SUGCT: variants seen among roughly 807,000 people sequenced by gnomAD.
The protein encoded by SUGCT is succinyl-CoA:glutarate-CoA transferase, also known as succinyl-CoA:glutarate CoA-transferase.
In SUGCT, 41 loss-of-function variants were observed where a neutral mutation model predicts 55.0. The ratio of observed to expected loss-of-function variants is 0.74; its 90% confidence interval spans 0.58 to 0.97. SUGCT has a LOEUF of 0.97. Among genes scored for constraint, SUGCT ranks in the 50% least tolerant of loss-of-function variants. SUGCT has a pLI of 0.00. For synonymous variants in SUGCT, 187 were observed against 200.4 expected, an observed-to-expected ratio of 0.93 and a Z score of 0.56; for missense variants, 568 against 547.8, an observed-to-expected ratio of 1.04 and a Z score of -0.37.
chr7:40,533,778 A>G (rs902587001), intron 12 of SUGCT, among the ~76,000 whole-genome samples: 1 of 152,158 alleles, frequency 6.6e-6, no homozygotes, highest in Non-Finnish European at 1.5e-5. Context: ...TGAACATTTC[A>G]GTCACACCTA....
At chr7:40,268,588 T>C (rs1181741599) in intron 7 of SUGCT, among the ~76,000 whole-genome samples, 1 of 152,208 alleles carries the variant, frequency 6.6e-6, no homozygotes, top group African/African-American at 2.4e-5. Context: ...TTATGAATAA[T>C]GCTGCTATAA....
At chr7:40,157,555 T>C (rs74814386) in intron 1 of SUGCT, among the ~76,000 whole-genome samples, 5,705 of 152,322 alleles carry the variant, frequency 0.037, 343 homozygotes, top group African/African-American at 0.13. Flanking sequence ...AACTTAAATA[T>C]TTTTAATGTA....
intron 10 of SUGCT, 27 bp downstream of exon 10, chr7:40,449,385 G>A (rs780772329): frequency 1.0e-5 from 16 of 1,565,844 alleles, no homozygotes; most frequent in Admixed American, 8.6e-5. Flanking sequence ...GGGATTGGTC[G>A]ATGATTTTGT....
At chr7:40,462,805 C>CTTTT (rs1461189364) in intron 11 of SUGCT, among the ~76,000 whole-genome samples, 1 of 152,260 alleles carries the variant, frequency 6.6e-6, no homozygotes, top group East Asian at 1.9e-4. Flanking sequence ...AGACATACTT[C>CTTTT]TTTTTGGTAG....
At chr7:40,320,948 CA>C (rs2151120681) in intron 9 of SUGCT, among the ~76,000 whole-genome samples, 1 of 152,246 alleles carries the variant, frequency 6.6e-6, no homozygotes, top group African/African-American at 2.4e-5. Flanking sequence ...TTCCACCTCC[CA>C]TGTTTTTGAG....
chr7:40,566,665 C>G (rs965686589), intron 12 of SUGCT, among the ~76,000 whole-genome samples: 1 of 152,098 alleles, frequency 6.6e-6, no homozygotes, highest in Non-Finnish European at 1.5e-5. Flanking sequence ...TAAATGCATT[C>G]TATTTGCTTA....
chr7:40,441,930 G>T (rs762524618), intron 9 of SUGCT, among the ~76,000 whole-genome samples: 1 of 151,986 alleles, frequency 6.6e-6, no homozygotes, highest in Non-Finnish European at 1.5e-5. Context: ...GTTTCTGGGT[G>T]GGGGGTCTCA....
intron 9 of SUGCT, among the ~76,000 whole-genome samples, chr7:40,388,321 A>G (rs887776587): frequency 6.6e-6 from 1 of 152,220 alleles, no homozygotes; most frequent in Non-Finnish European, 1.5e-5. Flanking sequence ...CCTTAGGATA[A>G]TGAACAGGCT....
chr7:41,024,379 C>T, the SUGCT span, among the ~76,000 whole-genome samples: 71 of 152,010 alleles, frequency 4.7e-4, no homozygotes, highest in Middle Eastern at 0.01. Context: ...CTTTGTATAA[C>T]AAAAGGCAAT....
intron 8 of SUGCT, among the ~76,000 whole-genome samples, chr7:40,279,675 T>C (rs1021041557): frequency 6.6e-6 from 1 of 152,140 alleles, no homozygotes; most frequent in African/African-American, 2.4e-5. Flanking sequence ...TGATAACGTT[T>C]CATAATAGAT....
At chr7:40,143,943 C>T (rs1166611447) in intron 1 of SUGCT, among the ~76,000 whole-genome samples, 2 of 152,120 alleles carry the variant, frequency 1.3e-5, no homozygotes, top group Admixed American at 6.6e-5. Context: ...TTTAGCTGAC[C>T]CCCAGTTGGG....
intron 12 of SUGCT, among the ~76,000 whole-genome samples, chr7:40,587,537 A>G (rs1797454720): frequency 6.6e-6 from 1 of 152,260 alleles, no homozygotes; most frequent in Admixed American, 6.5e-5. Flanking sequence ...TACCTAAAGC[A>G]GTTAAATTTG....
At chr7:40,615,946 G>A (rs1002410858) in intron 12 of SUGCT, among the ~76,000 whole-genome samples, 5 of 152,098 alleles carry the variant, frequency 3.3e-5, no homozygotes, top group Admixed American at 1.3e-4. Flanking sequence ...CATTTAATAT[G>A]TTTAATAATA....
chr7:40,724,611 C>T (rs1786520592), intron 12 of SUGCT, among the ~76,000 whole-genome samples: 1 of 151,406 alleles, frequency 6.6e-6, no homozygotes, highest in East Asian at 1.9e-4. Flanking sequence ...GTCCTGGAAC[C>T]TGAGATCTAA....
chr7:40,849,905 C>A (rs959129785), intron 13 of SUGCT, among the ~76,000 whole-genome samples: 9 of 152,082 alleles, frequency 5.9e-5, no homozygotes, highest in Non-Finnish European at 8.8e-5. Flanking sequence ...TGCAGAGCAT[C>A]CCCTGACTCA....
chr7:40,182,880 T>G (rs368921571), intron 3 of SUGCT, among the ~76,000 whole-genome samples: 89 of 152,146 alleles, frequency 5.8e-4, no homozygotes, highest in Middle Eastern at 3.4e-3. Flanking sequence ...CCACCCTCCC[T>G]CACCGTGGAA....
At chr7:41,002,903 G>C in the SUGCT span, among the ~76,000 whole-genome samples, 1 of 152,054 alleles carries the variant, frequency 6.6e-6, no homozygotes, top group African/African-American at 2.4e-5. Flanking sequence ...CTTATGGGCT[G>C]TTACTAGGAC....
intron 12 of SUGCT, among the ~76,000 whole-genome samples, chr7:40,554,405 A>G (rs1795456679): frequency 6.6e-6 from 1 of 152,208 alleles, no homozygotes; most frequent in Admixed American, 6.5e-5. Context: ...TTTAAGCTAA[A>G]AGTGTGATTG....
At chr7:40,832,574 T>TC (rs201151778) in intron 13 of SUGCT, among the ~76,000 whole-genome samples, 2 of 151,116 alleles carry the variant, frequency 1.3e-5, no homozygotes, top group African/African-American at 4.9e-5. Context: ...TTTTTTTTTT[T>TC]CCCGGATGTG....
Sources: allele counts gnomAD v4.1 joint callset (sites outside exome capture counted in the v4.1 genomes callset), GRCh38; gene constraint gnomAD v4.1.1; transcripts MANE v1.5; gene names NCBI Gene and HGNC (gene_info 2026-07-23, HGNC 2026-07-21).